CNTN5: variants seen among roughly 807,000 people sequenced by gnomAD.
The protein encoded by CNTN5 is contactin 5.
A neutral mutation model predicts 129.1 loss-of-function variants in CNTN5; 77 were observed. The observed-to-expected ratio is 0.60, with a 90% confidence interval of 0.50 to 0.72. CNTN5 has a LOEUF of 0.72. Among genes scored for constraint, CNTN5 ranks in the 30% least tolerant of loss-of-function variants. The pLI is 0.00. For missense variants in CNTN5, 1,478 were observed against 1,328.8 expected (o/e 1.11, Z -1.75); for synonymous variants, 509 against 465.6 (o/e 1.09, Z -1.20).
At chr11:99,796,784 C>G (rs1945956727) in intron 3 of CNTN5, among the ~76,000 whole-genome samples, 1 of 152,082 alleles carries the variant, frequency 6.6e-6, no homozygotes, top group African/African-American at 2.4e-5. Context: ...CTGAGCTTCA[C>G]TGCAGACACT....
chr11:99,789,625 C>T (rs1195974297), intron 3 of CNTN5, among the ~76,000 whole-genome samples: 1 of 151,886 alleles, frequency 6.6e-6, no homozygotes, highest in Non-Finnish European at 1.5e-5. Context: ...AACATTGCTT[C>T]CTGTTATTGT....
chr11:99,222,873 A>G lies in CNTN5; in HGVS notation c.-209-102473A>G, dbSNP rs571541380. ...ATTGATTTAAGTGTTCTTTAATACTAGGCACCAATAAGATCTATTTATTAG... is the reference window on the plus strand; with the variant it reads ...ATTGATTTAAGTGTTCTTTAATACTGGGCACCAATAAGATCTATTTATTAG... On this transcript the variant is annotated intron_variant, in intron 1 of 24. Coordinates refer to ENST00000524871, the MANE Select transcript of CNTN5 (RefSeq NM_014361.4). 2.8e-4 allele frequency among the ~76,000 whole-genome samples: 42 copies of G among 152,282 alleles called. No individual in the cohort carries two copies. The South Asian group carries it at 8.5e-3, about 31-fold the overall frequency.
At chr11:99,791,197 C>G (rs145580083) in intron 3 of CNTN5, among the ~76,000 whole-genome samples, 1 of 151,684 alleles carries the variant, frequency 6.6e-6, no homozygotes, top group East Asian at 1.9e-4. Flanking sequence ...TTTTGGGGGT[C>G]TTAGTCATGA....
At chr11:99,815,246 GTTAAT>G (rs572785823) in intron 3 of CNTN5, among the ~76,000 whole-genome samples, 24 of 152,292 alleles carry the variant, frequency 1.6e-4, no homozygotes, top group Middle Eastern at 3.4e-3. Context: ...TTCTGCATTT[GTTAAT>G]TTAATTTAGT....
intron 6 of CNTN5, among the ~76,000 whole-genome samples, chr11:99,855,101 G>T (rs974401288): frequency 1.3e-5 from 2 of 152,074 alleles, no homozygotes; most frequent in Admixed American, 6.5e-5. Context: ...TTGAGGCTAG[G>T]AGTTCAAGAC....
rs567238314 is a variant in CNTN5, at chr11:99,985,927, A to C, written c.878-16107A>C. Among the ~76,000 whole-genome samples the C allele has an allele frequency of 3.3e-5, 5 of 152,246 alleles. No homozygotes were observed. In the East Asian group the frequency reaches 9.7e-4, roughly 29 times the overall value. ...ATGAACTTGTACTCCATCCCATCTT[A>C]GCCACCCTTTCCTGTGGTAATAGCC... On this transcript the variant is annotated intron_variant, in intron 8 of 24. Coordinates refer to ENST00000524871, the MANE Select transcript of CNTN5 (RefSeq NM_014361.4).
At chr11:99,679,310 A>G (rs1414902355) in intron 3 of CNTN5, among the ~76,000 whole-genome samples, 2 of 151,712 alleles carry the variant, frequency 1.3e-5, no homozygotes, top group African/African-American at 4.8e-5. Context: ...GCTTTATTAT[A>G]CTGTGGAGAT....
intron 3 of CNTN5, among the ~76,000 whole-genome samples, chr11:99,571,107 C>T (rs1690801): frequency 0.97 from 147,579 of 152,286 alleles, 71,677 homozygotes; most frequent in East Asian, 1. Context: ...GTTAATAACA[C>T]GTAAAGGCAG....
intron 15 of CNTN5, among the ~76,000 whole-genome samples, chr11:100,212,679 T>C (rs1949058143): frequency 6.6e-6 from 1 of 152,098 alleles, no homozygotes; most frequent in African/African-American, 2.4e-5. Context: ...GTTAAAAGGC[T>C]AGAGTAGATG....
intron 7 of CNTN5, among the ~76,000 whole-genome samples, chr11:99,924,053 G>A (rs1950003498): frequency 6.6e-6 from 1 of 152,140 alleles, no homozygotes; most frequent in Non-Finnish European, 1.5e-5. Context: ...GCGTCCCAAA[G>A]TGCTGGGATT....
intron 9 of CNTN5, among the ~76,000 whole-genome samples, chr11:100,039,598 A>C (rs1344243669): frequency 1.3e-5 from 2 of 152,182 alleles, no homozygotes; most frequent in African/African-American, 2.4e-5. Context: ...CGTCACTTTC[A>C]GGTACACTAA....
At chr11:99,800,668 A>G (rs1946086531) in intron 3 of CNTN5, among the ~76,000 whole-genome samples, 1 of 151,922 alleles carries the variant, frequency 6.6e-6, no homozygotes. Flanking sequence ...TGAACTTTTT[A>G]TCATTATGTA....
chr11:99,966,457 C>T (rs1366288849), intron 8 of CNTN5, among the ~76,000 whole-genome samples: 1 of 152,134 alleles, frequency 6.6e-6, no homozygotes, highest in Non-Finnish European at 1.5e-5. Flanking sequence ...CTTGAGCCCA[C>T]AGGACCAGAG....
chr11:99,585,905 G>A (rs1565323521), intron 3 of CNTN5, among the ~76,000 whole-genome samples: 1 of 152,108 alleles, frequency 6.6e-6, no homozygotes, highest in Non-Finnish European at 1.5e-5. Flanking sequence ...CAGGTGAATG[G>A]CAATGACAAA....
At chr11:99,747,077 G>C (rs1944076975) in intron 3 of CNTN5, among the ~76,000 whole-genome samples, 1 of 152,082 alleles carries the variant, frequency 6.6e-6, no homozygotes, top group African/African-American at 2.4e-5. Flanking sequence ...TCATTTATTT[G>C]TGCCTTTTTC....
chr11:100,271,690 A>G (rs1323078209), intron 18 of CNTN5, among the ~76,000 whole-genome samples: 1 of 152,158 alleles, frequency 6.6e-6, no homozygotes, highest in East Asian at 1.9e-4. Flanking sequence ...CACTTTGCAA[A>G]TAGTAAACAT....
intron 13 of CNTN5, among the ~76,000 whole-genome samples, chr11:100,181,556 C>T (rs540998784): frequency 1.3e-4 from 19 of 151,762 alleles, no homozygotes; most frequent in Non-Finnish European, 2.4e-4. Context: ...ACTTAAAATG[C>T]GCACTTACAC....
intron 12 of CNTN5, among the ~76,000 whole-genome samples, chr11:100,072,990 C>CAA (rs61042118): frequency 0.025 from 1,972 of 78,998 alleles, 87 homozygotes; most frequent in Middle Eastern, 0.035. Flanking sequence ...TCCCAGGAGG[C>CAA]AAAAAAAAAA....
chr11:99,419,838 G>C (rs1425480935), intron 2 of CNTN5, among the ~76,000 whole-genome samples: 3 of 151,974 alleles, frequency 2.0e-5, no homozygotes, highest in African/African-American at 7.3e-5. Flanking sequence ...CCCAATTAAT[G>C]ACTTCTCCCT....
Sources: allele counts gnomAD v4.1 joint callset (sites outside exome capture counted in the v4.1 genomes callset), GRCh38; gene constraint gnomAD v4.1.1; transcripts MANE v1.5; gene names NCBI Gene and HGNC (gene_info 2026-07-23, HGNC 2026-07-21).